Variants in DAB1 observed in about 807,000 individuals in gnomAD.
DAB1 encodes the protein disabled homolog 1.
Under a neutral mutation model 64.6 loss-of-function variants are expected in DAB1, and 15 were observed. The ratio of observed to expected loss-of-function variants is 0.23; its 90% CI spans 0.16 to 0.36. The LOEUF is 0.36. Among genes scored for constraint, DAB1 ranks in the 10% least tolerant of loss-of-function variants. The pLI, the probability that DAB1 is intolerant of heterozygous loss-of-function variation, is 1.00. For missense variants in DAB1, 596 were observed against 706.7 expected (o/e 0.84, Z 1.78); for synonymous variants, 235 against 251.9 (o/e 0.93, Z 0.64).
intron 1 of DAB1, among the ~76,000 whole-genome samples, chr1:57,380,298 G>C (rs572365487): frequency 2.6e-4 from 39 of 152,256 alleles, no homozygotes; most frequent in African/African-American, 9.1e-4. Flanking sequence ...AACTGATATG[G>C]TGTTGTTACG....
chr1:58,264,948 G>A (rs954925160), intron 4 of DAB1, among the ~76,000 whole-genome samples: 1 of 152,160 alleles, frequency 6.6e-6, no homozygotes, highest in Admixed American at 6.5e-5. Flanking sequence ...TAGAAGAAAG[G>A]TTTTAATTTA....
At chr1:57,724,202 C>A (rs1647181096) in intron 6 of DAB1, among the ~76,000 whole-genome samples, 1 of 145,056 alleles carries the variant, frequency 6.9e-6, no homozygotes, top group Admixed American at 7.1e-5. Context: ...ATTCTCTGGG[C>A]AGGAGCTGTT....
intron 6 of DAB1, among the ~76,000 whole-genome samples, chr1:57,771,816 C>T (rs528281678): frequency 2.2e-4 from 34 of 152,244 alleles, no homozygotes; most frequent in South Asian, 2.1e-3. Flanking sequence ...TTTCTCCACT[C>T]TAGAAATTTA....
intron 4 of DAB1, among the ~76,000 whole-genome samples, chr1:58,178,223 G>T (rs1254725040): frequency 4.6e-5 from 7 of 152,072 alleles, no homozygotes; most frequent in Non-Finnish European, 1.5e-5. Context: ...GCCTGTATCT[G>T]CTCCTCCCCT....
chr1:57,887,136 C>T (rs151226666), upstream of DAB1, among the ~76,000 whole-genome samples: 1,427 of 152,290 alleles, frequency 9.4e-3, 10 homozygotes, highest in Middle Eastern at 0.048. Context: ...AAGATCAGCT[C>T]CAGTATATGC....
chr1:58,184,389 A>G (rs1162197459), intron 4 of DAB1, among the ~76,000 whole-genome samples: 1 of 151,560 alleles, frequency 6.6e-6, no homozygotes, highest in East Asian at 1.9e-4. Flanking sequence ...CAGTCCTAAT[A>G]CCTAGGACAA....
intron 4 of DAB1, among the ~76,000 whole-genome samples, chr1:58,320,106 G>T (rs1462924349): frequency 6.6e-6 from 1 of 152,226 alleles, no homozygotes; most frequent in African/African-American, 2.4e-5. Flanking sequence ...ACACTCTTCT[G>T]CCTGCAAGAA....
At chr1:58,466,792 C>T (rs1445451093) in intron 3 of DAB1, among the ~76,000 whole-genome samples, 2 of 152,292 alleles carry the variant, frequency 1.3e-5, no homozygotes, top group Non-Finnish European at 2.9e-5. Flanking sequence ...TTGAACAGCG[C>T]CTGTCCCATA....
At chr1:58,293,315 C>G (rs1316641554) in intron 4 of DAB1, among the ~76,000 whole-genome samples, 11 of 152,222 alleles carry the variant, frequency 7.2e-5, no homozygotes, top group Admixed American at 5.9e-4. Flanking sequence ...TCAGCTCTCT[C>G]TCACTGCAGC....
At chr1:58,050,590 C>G (rs1334379470) in intron 5 of DAB1, among the ~76,000 whole-genome samples, 5 of 152,050 alleles carry the variant, frequency 3.3e-5, no homozygotes, top group Admixed American at 2.0e-4. Flanking sequence ...AGTGCAGTGG[C>G]GCAATCTCGG....
At chr1:58,064,015 T>C (rs1191732282) in intron 5 of DAB1, among the ~76,000 whole-genome samples, 1 of 152,224 alleles carries the variant, frequency 6.6e-6, no homozygotes, top group African/African-American at 2.4e-5. Flanking sequence ...TGGGCATGAA[T>C]AGACTTACAA....
chr1:57,225,365 T>C (rs907993921), intron 2 of DAB1, among the ~76,000 whole-genome samples: 1 of 152,144 alleles, frequency 6.6e-6, no homozygotes, highest in Non-Finnish European at 1.5e-5. Context: ...TTGGACTGAA[T>C]TGGACTAGAC....
chr1:57,442,737 G>C (rs1686001469), intron 7 of DAB1, among the ~76,000 whole-genome samples: 1 of 152,184 alleles, frequency 6.6e-6, no homozygotes, highest in Non-Finnish European at 1.5e-5. Flanking sequence ...CAATGTCCCT[G>C]GGCATTCCCC....
intron 7 of DAB1, among the ~76,000 whole-genome samples, chr1:57,534,389 T>G (rs1357501340): frequency 6.6e-6 from 1 of 152,158 alleles, no homozygotes; most frequent in Non-Finnish European, 1.5e-5. Context: ...ACTCTCAAGG[T>G]GGATTAAATC....
chr1:57,487,029 C>G (rs1453109622), intron 7 of DAB1, among the ~76,000 whole-genome samples: 1 of 151,748 alleles, frequency 6.6e-6, no homozygotes, highest in Non-Finnish European at 1.5e-5. Flanking sequence ...AGGAGGGGAA[C>G]AGAGACCTGA....
At chr1:58,421,918 T>G (rs1644775486) in intron 3 of DAB1, among the ~76,000 whole-genome samples, 1 of 152,068 alleles carries the variant, frequency 6.6e-6, no homozygotes, top group African/African-American at 2.4e-5. Flanking sequence ...GCTCAGCCAC[T>G]TACTAGGCAC....
chr1:57,625,906 T>C (rs10732834), intron 7 of DAB1, among the ~76,000 whole-genome samples: 148,135 of 152,240 alleles, frequency 0.97, 72,194 homozygotes, highest in East Asian at 1. Flanking sequence ...ACAAAAAAGC[T>C]GGGTCGAACC....
At chr1:58,046,489 T>C (rs557857245) in intron 5 of DAB1, among the ~76,000 whole-genome samples, 1 of 152,322 alleles carries the variant, frequency 6.6e-6, no homozygotes, top group South Asian at 2.1e-4. Flanking sequence ...GGTAGGATTA[T>C]GAACTACTTT....
intron 7 of DAB1, among the ~76,000 whole-genome samples, chr1:57,577,859 C>T (rs891307311): frequency 5.9e-5 from 9 of 152,212 alleles, no homozygotes; most frequent in Non-Finnish European, 8.8e-5. Flanking sequence ...TCCTTGACAT[C>T]GCCTTCCCTA....
Sources: allele counts gnomAD v4.1 joint callset (sites outside exome capture counted in the v4.1 genomes callset), GRCh38; gene constraint gnomAD v4.1.1; transcripts MANE v1.5; gene names NCBI Gene and HGNC (gene_info 2026-07-23, HGNC 2026-07-21).